Variants in TIAM1 observed in about 807,000 individuals in gnomAD.
TIAM1 encodes rho guanine nucleotide exchange factor TIAM1.
In TIAM1, 65 loss-of-function variants were observed where a neutral mutation model predicts 163.5. The ratio of observed to expected loss-of-function variants is 0.40; its 90% CI spans 0.33 to 0.49. The LOEUF is 0.49. TIAM1 is among the 20% of genes least tolerant of loss of function. The probability of loss-of-function intolerance (pLI) is 0.77; values close to 1 mark genes in which losing one functional copy is unlikely to be tolerated. For missense variants in TIAM1, 1,789 were observed against 2,044.7 expected, an observed-to-expected ratio of 0.87 and a Z score of 2.41; for synonymous variants, 833 against 810.1, an observed-to-expected ratio of 1.03 and a Z score of -0.48.
intron 2 of TIAM1, among the ~76,000 whole-genome samples, chr21:31,303,023 C>T (rs1170496162): frequency 1.3e-5 from 2 of 152,174 alleles, no homozygotes; most frequent in African/African-American, 4.8e-5. Context: ...AAGTTGCTAG[C>T]TGTGATCTTC....
At chr21:31,243,209 A>AATATATATATATATATATAT (rs1555902486) in intron 6 of TIAM1, among the ~76,000 whole-genome samples, 1 of 117,282 alleles carries the variant, frequency 8.5e-6, no homozygotes, top group African/African-American at 3.7e-5. Context: ...AAAAAAAAAA[A>AATATATATATATATATATAT]ATATATATAT....
At chr21:31,179,006 C>T (rs1044812839) in intron 15 of TIAM1, among the ~76,000 whole-genome samples, 1 of 151,820 alleles carries the variant, frequency 6.6e-6, no homozygotes, top group Non-Finnish European at 1.5e-5. Context: ...CCACCCTGGC[C>T]TCCCAAAGTG....
chr21:31,259,945 G>A (rs946450384), intron 4 of TIAM1, among the ~76,000 whole-genome samples: 5 of 151,296 alleles, frequency 3.3e-5, no homozygotes, highest in Admixed American at 6.6e-5. Flanking sequence ...ATAAAATATT[G>A]TATTACTTTA....
intron 2 of TIAM1, among the ~76,000 whole-genome samples, chr21:31,430,247 TAC>T (rs1202910634): frequency 0.013 from 1,411 of 106,872 alleles, 14 homozygotes; most frequent in Middle Eastern, 0.031. Flanking sequence ...TATATATATA[TAC>T]ACACACACAC....
intron 2 of TIAM1, among the ~76,000 whole-genome samples, chr21:31,460,493 G>T (rs2045283175): frequency 6.6e-6 from 1 of 152,166 alleles, no homozygotes; most frequent in African/African-American, 2.4e-5. Flanking sequence ...CAGGTGTGGT[G>T]GTGGGCACCT....
chr21:31,213,139 C>T, intron 10 of TIAM1: 1 of 391,436 alleles, frequency 2.6e-6, no homozygotes, highest in Non-Finnish European at 4.5e-6. Context: ...TTTCCTCTTA[C>T]ATTCTAGTTA....
intron 2 of TIAM1, among the ~76,000 whole-genome samples, chr21:31,335,948 A>T (rs911591130): frequency 4.6e-5 from 7 of 152,184 alleles, no homozygotes; most frequent in Admixed American, 1.3e-4. Context: ...GAGAATACGC[A>T]CAGGCTCAGA....
At chr21:31,143,421 G>A (rs73191645) in intron 20 of TIAM1, among the ~76,000 whole-genome samples, 8,500 of 148,784 alleles carry the variant, frequency 0.057, 328 homozygotes, top group Non-Finnish European at 0.084. Flanking sequence ...CCCTCTCCCC[G>A]CAAAAAACAG....
At chr21:31,373,632 G>A (rs1368317932) in intron 2 of TIAM1, among the ~76,000 whole-genome samples, 1 of 152,076 alleles carries the variant, frequency 6.6e-6, no homozygotes, top group Non-Finnish European at 1.5e-5. Flanking sequence ...GAAAAGAACA[G>A]GGAAGAAACA....
At chr21:31,123,636 G>A (rs777807698) in intron 27 of TIAM1, among the ~76,000 whole-genome samples, 1 of 152,140 alleles carries the variant, frequency 6.6e-6, no homozygotes, top group Non-Finnish European at 1.5e-5. Flanking sequence ...CTCTTCAATA[G>A]GTAGGATGGT....
At chr21:31,430,597 T>A (rs954183235) in intron 2 of TIAM1, among the ~76,000 whole-genome samples, 6 of 152,100 alleles carry the variant, frequency 3.9e-5, no homozygotes, top group Admixed American at 2.0e-4. Flanking sequence ...ATAGTTTCAG[T>A]CTAGGCTGAA....
chr21:31,281,179 T>G (rs553277689), intron 2 of TIAM1, among the ~76,000 whole-genome samples: 6 of 150,718 alleles, frequency 4.0e-5, no homozygotes, highest in East Asian at 2.0e-4. Context: ...CAGGCATCAG[T>G]GTGTAGAGAA....
chr21:31,353,548 G>T (rs901225536), intron 2 of TIAM1, among the ~76,000 whole-genome samples: 4 of 152,124 alleles, frequency 2.6e-5, no homozygotes, highest in Non-Finnish European at 5.9e-5. Flanking sequence ...TAGGCTAGGG[G>T]CTGCTCATTC....
At chr21:31,351,398 A>G (rs1055057435) in intron 2 of TIAM1, among the ~76,000 whole-genome samples, 2 of 152,242 alleles carry the variant, frequency 1.3e-5, no homozygotes, top group African/African-American at 4.8e-5. Flanking sequence ...CATTCAATGC[A>G]GTGTATGCAC....
chr21:31,475,021 GTTT>G (rs71970914), intron 1 of TIAM1, among the ~76,000 whole-genome samples: 42,945 of 103,684 alleles, frequency 0.41, 7,133 homozygotes, highest in African/African-American at 0.55. Context: ...CTGTGAGCTA[GTTT>G]TTTATTATTA....
intron 2 of TIAM1, among the ~76,000 whole-genome samples, chr21:31,399,870 A>G (rs1176701101): frequency 6.6e-6 from 1 of 152,182 alleles, no homozygotes; most frequent in Non-Finnish European, 1.5e-5. Context: ...TAACTCAAAT[A>G]AAGCTAACTT....
At chr21:31,179,295 G>A (rs2084905917) in intron 15 of TIAM1, among the ~76,000 whole-genome samples, 1 of 151,748 alleles carries the variant, frequency 6.6e-6, no homozygotes, top group Non-Finnish European at 1.5e-5. Context: ...GCTGAGGCAG[G>A]AGAATCGCTT....
At chr21:31,534,185 A>C (rs2048054616) in intron 1 of TIAM1, among the ~76,000 whole-genome samples, 1 of 152,228 alleles carries the variant, frequency 6.6e-6, no homozygotes, top group Non-Finnish European at 1.5e-5. Flanking sequence ...GCTGACACTA[A>C]GCATATTCAA....
chr21:31,472,300 G>T (rs1410889023), intron 1 of TIAM1, among the ~76,000 whole-genome samples: 1 of 152,136 alleles, frequency 6.6e-6, no homozygotes, highest in African/African-American at 2.4e-5. Context: ...GCTGAGGCGG[G>T]CAGATCACTT....
Sources: gnomAD v4.1 joint callset for allele counts (sites outside exome capture counted in the v4.1 genomes callset) on GRCh38, gnomAD v4.1.1 for gene constraint, MANE v1.5 for transcripts, NCBI Gene and HGNC (gene_info 2026-07-23, HGNC 2026-07-21) for gene names.